Variants in RANBP2 observed in about 807,000 individuals in gnomAD.
RANBP2 encodes the protein RAN binding protein 2.
RANBP2 carries 57 observed loss-of-function variants against 303.6 expected under a neutral mutation model. The observed-to-expected ratio is 0.19, with a 90% CI of 0.15 to 0.23. RANBP2 has a LOEUF of 0.23. Among genes scored for constraint, RANBP2 ranks in the 10% least tolerant of loss-of-function variants. The pLI is 1.00. For missense variants in RANBP2, 3,138 were observed against 3,780.8 expected (o/e 0.83, Z 4.46); for synonymous variants, 1,167 against 1,301.5 (o/e 0.90, Z 2.23).
the RANBP2 span, among the ~76,000 whole-genome samples, chr2:108,815,409 C>T: frequency 1.4e-5 from 2 of 145,926 alleles, 1 homozygote; most frequent in Admixed American, 1.4e-4. Context: ...TTCTTGCCTT[C>T]TCTCAGTTGT....
At chr2:109,447,555 G>A in the RANBP2 span, among the ~76,000 whole-genome samples, 3 of 152,206 alleles carry the variant, frequency 2.0e-5, no homozygotes, top group Admixed American at 2.0e-4. Context: ...GCAGCTGGAT[G>A]TGAGCTGCGT....
chr2:109,367,111 C>T, the RANBP2 span, among the ~76,000 whole-genome samples: 3 of 141,920 alleles, frequency 2.1e-5, no homozygotes, highest in Admixed American at 1.4e-4. Flanking sequence ...TGCCACTGTG[C>T]CCTGGTAATT....
At chr2:109,295,997 T>C in the RANBP2 span, among the ~76,000 whole-genome samples, 2 of 152,116 alleles carry the variant, frequency 1.3e-5, no homozygotes, top group African/African-American at 4.8e-5. Flanking sequence ...GGTTGGAGAC[T>C]GACATCTGTG....
chr2:109,047,795 C>T, the RANBP2 span, among the ~76,000 whole-genome samples: 283 of 152,320 alleles, frequency 1.9e-3, 1 homozygote, highest in African/African-American at 6.6e-3. Flanking sequence ...GGCAACAGAG[C>T]GAGACTCCAT....
the RANBP2 span, chr2:108,816,189 G>C: frequency 6.0e-6 from 6 of 998,452 alleles, no homozygotes; most frequent in Non-Finnish European, 7.5e-6. Flanking sequence ...AGTGGCTCAC[G>C]TCTATAATCC....
chr2:109,076,058 G>A, the RANBP2 span, among the ~76,000 whole-genome samples: 5 of 150,342 alleles, frequency 3.3e-5, no homozygotes, highest in African/African-American at 4.8e-5. Flanking sequence ...TTAGCAAAGC[G>A]AATTCATTAG....
chr2:109,474,869 C>A, the RANBP2 span, among the ~76,000 whole-genome samples: 4 of 152,260 alleles, frequency 2.6e-5, no homozygotes, highest in Non-Finnish European at 4.4e-5. Context: ...AGTCCAGCAA[C>A]CCTCCAGAGC....
the RANBP2 span, among the ~76,000 whole-genome samples, chr2:109,538,031 C>T: frequency 6.6e-6 from 1 of 152,176 alleles, no homozygotes; most frequent in Non-Finnish European, 1.5e-5. Flanking sequence ...AAATCTGACT[C>T]ACGCCTCACT....
chr2:109,598,501 T>C, the RANBP2 span, among the ~76,000 whole-genome samples: 1 of 152,154 alleles, frequency 6.6e-6, no homozygotes, highest in African/African-American at 2.4e-5. Flanking sequence ...TTTAGGATAA[T>C]GTGAGCGAGA....
At chr2:109,381,063 C>T in the RANBP2 span, among the ~76,000 whole-genome samples, 1 of 152,242 alleles carries the variant, frequency 6.6e-6, no homozygotes, top group Admixed American at 6.5e-5. Context: ...AGGGCTTCCT[C>T]CACGGGTCTA....
the RANBP2 span, among the ~76,000 whole-genome samples, chr2:109,338,263 G>A: frequency 7.2e-5 from 11 of 152,074 alleles, no homozygotes; most frequent in Admixed American, 1.3e-4. Flanking sequence ...TACTTAGCAC[G>A]CTTGTTTTGC....
chr2:109,116,144 G>A, the RANBP2 span, among the ~76,000 whole-genome samples: 12 of 152,196 alleles, frequency 7.9e-5, no homozygotes, highest in East Asian at 7.7e-4. Flanking sequence ...TCTTTGTGGC[G>A]TTCTCTGTAT....
At chr2:109,737,279 A>T in the RANBP2 span, 2 of 706,086 alleles carry the variant, frequency 2.8e-6, no homozygotes, top group African/African-American at 3.6e-5. Context: ...TATTTCAAAT[A>T]CCTTTTGGAA....
the RANBP2 span, chr2:108,930,148 G>T: frequency 6.2e-6 from 10 of 1,613,770 alleles, no homozygotes; most frequent in Non-Finnish European, 4.2e-6. Context: ...CGGCCCACAC[G>T]GGGGGCACTC....
chr2:109,032,211 A>C, the RANBP2 span, among the ~76,000 whole-genome samples: 2 of 151,954 alleles, frequency 1.3e-5, no homozygotes, highest in Non-Finnish European at 2.9e-5. Flanking sequence ...TTCACTTCTA[A>C]AGTTATTACC....
chr2:108,786,325 C>T (rs1052556785), downstream of RANBP2, among the ~76,000 whole-genome samples: 20 of 149,812 alleles, frequency 1.3e-4, no homozygotes, highest in Middle Eastern at 3.5e-3. Flanking sequence ...AACTCTCAGG[C>T]TCAAAGCAAT....
chr2:109,615,835 T>C, the RANBP2 span: 5 of 1,613,878 alleles, frequency 3.1e-6, no homozygotes, highest in Non-Finnish European at 4.2e-6. Context: ...GAGGGGTGGG[T>C]CGGAGGCAAA....
At chr2:108,965,097 G>A in the RANBP2 span, among the ~76,000 whole-genome samples, 2 of 151,822 alleles carry the variant, frequency 1.3e-5, no homozygotes, top group African/African-American at 4.9e-5. Flanking sequence ...GTGTGTGCAC[G>A]CAAGCATGTG....
the RANBP2 span, among the ~76,000 whole-genome samples, chr2:109,149,117 G>C: frequency 1.6e-4 from 24 of 152,268 alleles, no homozygotes; most frequent in East Asian, 4.6e-3. Context: ...GCTCTGGGAA[G>C]GAGCAGGGAG....
Sources: gnomAD v4.1 joint callset for allele counts (sites outside exome capture counted in the v4.1 genomes callset) on GRCh38, gnomAD v4.1.1 for gene constraint, MANE v1.5 for transcripts, NCBI Gene and HGNC (gene_info 2026-07-23, HGNC 2026-07-21) for gene names.